Variants in DCP1A observed in about 807,000 individuals in gnomAD.
DCP1A encodes mRNA-decapping enzyme 1A.
In DCP1A, 20 loss-of-function variants were observed where a neutral mutation model predicts 58.0. The ratio of observed to expected loss-of-function variants is 0.34; its 90% CI spans 0.24 to 0.50. The LOEUF (loss-of-function observed/expected upper bound fraction) is 0.50. DCP1A is among the 20% of genes least tolerant of loss of function. DCP1A has a pLI of 0.98. For missense variants in DCP1A, 613 were observed against 712.2 expected, an observed-to-expected ratio of 0.86 and a Z score of 1.59; for synonymous variants, 285 against 275.1, an observed-to-expected ratio of 1.04 and a Z score of -0.36.
chr3:53,289,020 T>C (rs554626668), intron 8 of DCP1A, among the ~76,000 whole-genome samples: 8 of 151,500 alleles, frequency 5.3e-5, no homozygotes. Context: ...ATCTCGTCTT[T>C]TTTTTTTTAA....
chr3:53,318,144 C>T (rs1275964441), intron 4 of DCP1A, among the ~76,000 whole-genome samples: 2 of 151,904 alleles, frequency 1.3e-5, no homozygotes, highest in African/African-American at 4.8e-5. Flanking sequence ...TCTCTACCCA[C>T]CCCCCAAAAA....
intron 4 of DCP1A, among the ~76,000 whole-genome samples, chr3:53,317,707 A>C (rs1553689412): frequency 6.6e-6 from 1 of 152,236 alleles, no homozygotes; most frequent in Non-Finnish European, 1.5e-5. Context: ...TTAAATTAAA[A>C]AATGAAAAAT....
At chr3:53,317,853 A>G (rs1253864379) in intron 4 of DCP1A, among the ~76,000 whole-genome samples, 1 of 152,220 alleles carries the variant, frequency 6.6e-6, no homozygotes, top group Non-Finnish European at 1.5e-5. Flanking sequence ...AGTAATAAAC[A>G]TGGCCCTGCC....
At chr3:53,326,553 G>A (rs11921672) in intron 3 of DCP1A, among the ~76,000 whole-genome samples, 66 of 152,328 alleles carry the variant, frequency 4.3e-4, no homozygotes, top group Non-Finnish European at 9.0e-4. Context: ...GAGCATTACT[G>A]CCTGAGCTCT....
Position 53,309,869 on chromosome 3 carries a change from C to T in DCP1A, c.510+2372G>A, listed in dbSNP as rs782613955. Among the ~76,000 whole-genome samples, 3 of 152,318 alleles carry T rather than the reference C, an allele frequency of 2.0e-5. No individual in the cohort carries two copies. In the East Asian group the frequency reaches 5.8e-4, roughly 29 times the overall value. The stretch of plus-strand genomic sequence containing the variant: ...CGGAGACTCAGAATCAGGATTAAAT[C>T]CCAACACTGAGGCCTAGCTTGCACC... On this transcript the variant is annotated intron_variant, in intron 5 of 9. Transcript: ENST00000610213.
chr3:53,347,396 T>C lies in DCP1A; in HGVS notation c.122A>G (p.Lys41Arg), dbSNP rs1553693267. Residue 41 changes from lysine to arginine, a missense_variant, in exon 1 of 10, where the codon AAG (lysine) becomes AGG (arginine). By Grantham distance (26) the Lys-to-Arg change is conservative. Transcript: ENST00000610213. ...GQVALYTFCP[K>R]ANQWEKTDIE... ...GGCGGCACTCACCCACTGGTTGGCC[T>C]TGGGGCAGAAGGTGTACAGAGCGAC... 1 of 1,605,308 alleles carries C rather than the reference T, an allele frequency of 6.2e-7. No homozygotes were observed. The highest frequency in any genetic ancestry group is 8.5e-7 in the Non-Finnish European group (1 of 1,175,722).
chr3:53,323,284 G>A (rs993473645), intron 3 of DCP1A, among the ~76,000 whole-genome samples: 1 of 152,200 alleles, frequency 6.6e-6, no homozygotes, highest in Non-Finnish European at 1.5e-5. Context: ...TCAATGGAAG[G>A]AGCACAGAAG....
intron 6 of DCP1A, among the ~76,000 whole-genome samples, chr3:53,303,689 C>T (rs1015521923): frequency 7.2e-4 from 110 of 152,104 alleles, no homozygotes; most frequent in African/African-American, 2.6e-3. Flanking sequence ...GGAACAAGTG[C>T]AAAGGCCTGT....
Position 53,343,004 on chromosome 3 carries a change from C to A in DCP1A, c.177-733G>T, listed in dbSNP as rs370031214. On this transcript the variant is annotated intron_variant, in intron 2 of 9. Transcript: ENST00000610213. ...GCGCTCCTGAGTTAGACGGAAAATG[C>A]CTTGAATCCTACAATAGGAAACATC... 8.5e-5 allele frequency among the ~76,000 whole-genome samples: 13 copies of A among 152,260 alleles called. No homozygotes were observed. In the East Asian group the frequency reaches 2.5e-3, roughly 29 times the overall value.
At chr3:53,316,496 C>T (rs1181188115) in intron 4 of DCP1A, among the ~76,000 whole-genome samples, 2 of 151,874 alleles carry the variant, frequency 1.3e-5, no homozygotes, top group Non-Finnish European at 2.9e-5. Flanking sequence ...CTCCTGGGGC[C>T]CAAGTGATCT....
Position 53,292,451 on chromosome 3 carries a change from C to G in DCP1A, c.1001G>C (p.Ser334Thr), listed in dbSNP as rs1383480223. The change falls in exon 7 of 10, where the codon AGC becomes ACC. Residue 334 changes from serine to threonine, a missense_variant. Ser to Thr is a moderately conservative substitution (Grantham distance 58). Transcript: ENST00000610213. ...AEAPTAQVPPSLPRNSTMMQA... is the reference protein window; with the variant it reads ...AEAPTAQVPPTLPRNSTMMQA... ...CATCATGGTGCTGTTTCGAGGTAAGCTGGGGGGAACCTGTGCAGTAGGAGC... is the reference window on the plus strand; with the variant it reads ...CATCATGGTGCTGTTTCGAGGTAAGGTGGGGGGAACCTGTGCAGTAGGAGC... 1 of 1,613,934 alleles carries G rather than the reference C, an allele frequency of 6.2e-7. No homozygotes were observed. Among genetic ancestry groups the G allele is most frequent in the Non-Finnish European group, 8.5e-7 (1 of 1,179,872 alleles).
intron 3 of DCP1A, among the ~76,000 whole-genome samples, chr3:53,326,678 G>A (rs1176143011): frequency 6.6e-6 from 1 of 152,186 alleles, no homozygotes; most frequent in Non-Finnish European, 1.5e-5. Flanking sequence ...AATGCCTGAT[G>A]ATCTGTCATT....
intron 3 of DCP1A, chr3:53,338,009 T>C (rs1425066293): frequency 1.0e-5 from 3 of 286,360 alleles, no homozygotes; most frequent in African/African-American, 6.5e-5. Flanking sequence ...GAAGTAATTT[T>C]ATTGTTACAG....
intron 3 of DCP1A, among the ~76,000 whole-genome samples, chr3:53,324,745 G>A (rs923978392): frequency 1.2e-4 from 19 of 152,214 alleles, no homozygotes; most frequent in African/African-American, 4.6e-4. Flanking sequence ...AGTTGGCTGG[G>A]TGTGGTGGCT....
chr3:53,321,458 G>A (rs1011695767), intron 3 of DCP1A, among the ~76,000 whole-genome samples: 5 of 152,194 alleles, frequency 3.3e-5, no homozygotes, highest in Non-Finnish European at 5.9e-5. Flanking sequence ...GGTGGCTCAC[G>A]CCTGTAATCC....
chr3:53,309,033 T>C (rs563660057), intron 5 of DCP1A, among the ~76,000 whole-genome samples: 17 of 152,250 alleles, frequency 1.1e-4, no homozygotes, highest in Admixed American at 2.6e-4. Flanking sequence ...AAGCAACTCA[T>C]AATGGGCCAA....
chr3:53,324,833 C>A (rs1283489135), intron 3 of DCP1A, among the ~76,000 whole-genome samples: 2 of 150,720 alleles, frequency 1.3e-5, no homozygotes, highest in Non-Finnish European at 2.9e-5. Flanking sequence ...CCAGCCTGGG[C>A]AACACAGTGG....
At chr3:53,295,071 G>A (rs1212447877) in intron 6 of DCP1A, among the ~76,000 whole-genome samples, 3 of 152,190 alleles carry the variant, frequency 2.0e-5, no homozygotes, top group Non-Finnish European at 4.4e-5. Context: ...CCTGTGTCAG[G>A]AGGGGCTCCT....
chr3:53,300,828 A>T (rs894645109), intron 6 of DCP1A, among the ~76,000 whole-genome samples: 1 of 151,732 alleles, frequency 6.6e-6, no homozygotes, highest in Admixed American at 6.6e-5. Flanking sequence ...TTGTATTTTT[A>T]TTAGAGACAG....
Sources: allele counts gnomAD v4.1 joint callset (sites outside exome capture counted in the v4.1 genomes callset), GRCh38; gene constraint gnomAD v4.1.1; transcripts MANE v1.5; gene names NCBI Gene and HGNC (gene_info 2026-07-23, HGNC 2026-07-21).